GRIK2: variants seen among roughly 807,000 people sequenced by gnomAD.
The protein encoded by GRIK2 is glutamate ionotropic receptor kainate type subunit 2, also known as glutamate receptor ionotropic, kainate 2.
GRIK2 carries 32 observed loss-of-function variants against 100.3 expected under a neutral mutation model. The observed-to-expected ratio is 0.32, with a 90% confidence interval of 0.24 to 0.43. GRIK2 has a LOEUF of 0.43. GRIK2 is among the 20% of genes least tolerant of loss of function. The pLI, the probability that GRIK2 is intolerant of heterozygous loss-of-function variation, is 1.00. For synonymous variants in GRIK2, 417 were observed against 389.4 expected, an observed-to-expected ratio of 1.07 and a Z score of -0.83; for missense variants, 843 against 1,114.9, an observed-to-expected ratio of 0.76 and a Z score of 3.47.
At chr6:101,877,406 CTTAA>C (rs1785932978) in intron 11 of GRIK2, among the ~76,000 whole-genome samples, 1 of 151,786 alleles carries the variant, frequency 6.6e-6, no homozygotes. Flanking sequence ...TTTACATTGA[CTTAA>C]TTATTATAAG....
chr6:101,877,114 A>G (rs1785906189), intron 11 of GRIK2, among the ~76,000 whole-genome samples: 1 of 151,896 alleles, frequency 6.6e-6, no homozygotes, highest in African/African-American at 2.4e-5. Flanking sequence ...AATTGGTGCA[A>G]TGTTACAACT....
intron 4 of GRIK2, among the ~76,000 whole-genome samples, chr6:101,640,080 T>C (rs953470049): frequency 3.3e-5 from 5 of 152,212 alleles, no homozygotes; most frequent in East Asian, 1.9e-4. Flanking sequence ...ACAAAACTTA[T>C]TGTGTAACAT....
intron 2 of GRIK2, among the ~76,000 whole-genome samples, chr6:101,614,291 T>TC (rs2128314137): frequency 6.6e-6 from 1 of 151,662 alleles, no homozygotes; most frequent in African/African-American, 2.4e-5. Flanking sequence ...CATTTTCTTT[T>TC]CCCCCCAAAC....
rs542170338 is a variant in GRIK2 at position 101,435,125 on chromosome 6, G to C, written c.115+35733G>C. On this transcript the variant is annotated intron_variant, in intron 2 of 16. Coordinates refer to ENST00000369134, the MANE Select transcript of GRIK2 (RefSeq NM_021956.5). The stretch of plus-strand genomic sequence containing the variant: ...AGTTTCTAAAGCAGAGTTTTTGAGT[G>C]CTTTCATCCAGAACCAATGAGTGTA... Among the ~76,000 whole-genome samples, 3 of 152,152 alleles carry C rather than the reference G, an allele frequency of 2.0e-5. No homozygotes were observed. The South Asian group carries it at 6.2e-4, about 32-fold the overall frequency.
chr6:101,602,953 T>C (rs1375430207), intron 2 of GRIK2, among the ~76,000 whole-genome samples: 1 of 151,770 alleles, frequency 6.6e-6, no homozygotes, highest in Non-Finnish European at 1.5e-5. Flanking sequence ...CTCTATCTTC[T>C]CTATATCTTC....
chr6:101,824,526 T>A (rs1782189498), intron 10 of GRIK2, among the ~76,000 whole-genome samples: 1 of 152,224 alleles, frequency 6.6e-6, no homozygotes, highest in Non-Finnish European at 1.5e-5. Flanking sequence ...ATGTTGAGTG[T>A]TTCTCATTGT....
Position 101,399,313 on chromosome 6 carries a change from C to G in GRIK2, c.36C>G (p.Val12=), listed in dbSNP as rs370229898. The G allele has an allele frequency of 1.0e-5, 16 of 1,590,786 alleles. No homozygotes were observed. In the East Asian group the frequency reaches 1.3e-4, roughly 13 times the overall value. The change falls in exon 2 of 17, where the codon GTC becomes GTG. Residue 12 remains valine (V), a synonymous_variant. Transcript: ENST00000369134. The stretch of plus-strand genomic sequence containing the variant: ...TTTTCCCGATTCTAAGTAATCCAGT[C>G]TTCAGGCGCACCGTTAAACTCCTGC... The part of the protein sequence containing the change: ...KIIFPILSNP[V]FRRTVKLLLC...
intron 2 of GRIK2, among the ~76,000 whole-genome samples, chr6:101,400,167 G>C (rs924420183): frequency 2.6e-5 from 4 of 152,174 alleles, no homozygotes; most frequent in Non-Finnish European, 4.4e-5. Context: ...TGTTTAAGGA[G>C]GGTTGACTAA....
At chr6:101,949,795 A>G (rs1047839969) in intron 14 of GRIK2, among the ~76,000 whole-genome samples, 1 of 152,124 alleles carries the variant, frequency 6.6e-6, no homozygotes, top group Non-Finnish European at 1.5e-5. Context: ...TGCTATTGTG[A>G]ATAGTGCTGC....
intron 12 of GRIK2, among the ~76,000 whole-genome samples, chr6:101,891,384 G>T (rs192530827): frequency 3.3e-5 from 5 of 151,530 alleles, no homozygotes; most frequent in African/African-American, 1.2e-4. Flanking sequence ...GGGCGTGGTG[G>T]TGTGCACCTG....
At chr6:101,847,535 C>T (rs530916964) in intron 10 of GRIK2, among the ~76,000 whole-genome samples, 1 of 152,018 alleles carries the variant, frequency 6.6e-6, no homozygotes, top group South Asian at 2.1e-4. Flanking sequence ...GTTAGTAGTA[C>T]CTTAGTAACT....
chr6:102,045,812 AT>A (rs2114472244), intron 15 of GRIK2, among the ~76,000 whole-genome samples: 1 of 152,240 alleles, frequency 6.6e-6, no homozygotes, highest in East Asian at 1.9e-4. Flanking sequence ...ATAATGCTTT[AT>A]TTAAAAAGCA....
intron 7 of GRIK2, among the ~76,000 whole-genome samples, chr6:101,785,905 T>G (rs116998189): frequency 6.6e-6 from 1 of 152,106 alleles, no homozygotes; most frequent in Non-Finnish European, 1.5e-5. Flanking sequence ...GTAGATTGTT[T>G]TGGGTAGTAT....
chr6:101,464,608 T>C (rs1308447063), intron 2 of GRIK2, among the ~76,000 whole-genome samples: 9 of 138,142 alleles, frequency 6.5e-5, no homozygotes, highest in African/African-American at 1.9e-4. Flanking sequence ...GCTCCGCCTC[T>C]CGGGTTCACG....
chr6:102,031,116 CA>C (rs1426257775), intron 14 of GRIK2, among the ~76,000 whole-genome samples: 22 of 130,648 alleles, frequency 1.7e-4, no homozygotes, highest in African/African-American at 6.0e-4. Context: ...CACACACACA[CA>C]CACACACACA....
chr6:101,516,796 A>G (rs1477930282), intron 2 of GRIK2, among the ~76,000 whole-genome samples: 20 of 152,088 alleles, frequency 1.3e-4, no homozygotes, highest in Admixed American at 1.3e-3. Flanking sequence ...GTATATAAAA[A>G]CTGAATATCC....
intron 2 of GRIK2, among the ~76,000 whole-genome samples, chr6:101,466,441 C>A (rs1456107694): frequency 6.6e-6 from 1 of 151,838 alleles, no homozygotes; most frequent in Non-Finnish European, 1.5e-5. Context: ...GACCAACACT[C>A]AATAGGAGAT....
chr6:101,892,092 G>A (rs1256552002), intron 12 of GRIK2, among the ~76,000 whole-genome samples: 2 of 151,964 alleles, frequency 1.3e-5, no homozygotes, highest in Non-Finnish European at 2.9e-5. Context: ...AAATTTCCCA[G>A]GAGGATAGAA....
At chr6:101,762,511 G>T (rs1007317987) in intron 7 of GRIK2, among the ~76,000 whole-genome samples, 1 of 151,980 alleles carries the variant, frequency 6.6e-6, no homozygotes, top group Non-Finnish European at 1.5e-5. Context: ...GGGATTACAC[G>T]TGTGAGCCAC....
Sources: gnomAD v4.1 joint callset for allele counts (sites outside exome capture counted in the v4.1 genomes callset) on GRCh38, gnomAD v4.1.1 for gene constraint, MANE v1.5 for transcripts, NCBI Gene and HGNC (gene_info 2026-07-23, HGNC 2026-07-21) for gene names.